MYO9B: variants seen among roughly 807,000 people sequenced by gnomAD.
MYO9B encodes unconventional myosin-IXb.
In MYO9B, 71 loss-of-function variants were observed where a neutral mutation model predicts 229.5. The observed-to-expected ratio is 0.31, with a 90% confidence interval of 0.26 to 0.38. The LOEUF (loss-of-function observed/expected upper bound fraction) is 0.38, where lower values mean the gene tolerates loss of function less well. Ranked by LOEUF, MYO9B falls within the 10% of genes least tolerant of loss-of-function variation. The probability of loss-of-function intolerance (pLI) is 1.00; values close to 1 mark genes in which losing one functional copy is unlikely to be tolerated. For missense variants in MYO9B, 2,255 were observed against 2,920.5 expected (o/e 0.77, Z 5.25); for synonymous variants, 1,185 against 1,235.8 (o/e 0.96, Z 0.86).
chr19:17,123,550 C>T (rs893374052), intron 2 of MYO9B, among the ~76,000 whole-genome samples: 1 of 152,006 alleles, frequency 6.6e-6, no homozygotes, highest in Non-Finnish European at 1.5e-5. Flanking sequence ...AGGCGATTCT[C>T]CTGCCTCAAC....
chr19:17,175,322 T>C (rs927275396), intron 13 of MYO9B, among the ~76,000 whole-genome samples: 1 of 148,234 alleles, frequency 6.7e-6, no homozygotes, highest in Non-Finnish European at 1.5e-5. Flanking sequence ...CAGAGACTCA[T>C]GCCTATAATC....
rs938728402 is a variant in MYO9B at position 17,150,566 on chromosome 19, G to C, written c.936-2078G>C. Among the ~76,000 whole-genome samples the C allele has an allele frequency of 2.0e-4, 28 of 143,146 alleles. 1 individual carries two copies. Among genetic ancestry groups the C allele is most frequent in the African/African-American group, 4.1e-4 (17 of 41,194 alleles). 93.9% of individuals were successfully genotyped at this position (143,146 alleles called of 152,430 possible). A position where few individuals can be genotyped will look rare whatever the true frequency, so the allele number is the denominator to read the frequency against. ...AGATGAGGGTGATCTGGAGGCCCCA[G>C]TGAGCTCACATGTCTGGTGATGGCG... On this transcript the variant is annotated intron_variant, in intron 3 of 39. Coordinates refer to ENST00000682292, the MANE Select transcript of MYO9B (RefSeq NM_004145.4).
intron 1 of MYO9B, among the ~76,000 whole-genome samples, chr19:17,087,277 A>G (rs757582024): frequency 5.9e-5 from 9 of 152,016 alleles, no homozygotes; most frequent in East Asian, 5.8e-4. Context: ...GAAAGAACAC[A>G]TACCTGGGAA....
chr19:17,090,118 C>CTTTTTTTTTTTTT lies in MYO9B; in HGVS notation c.-58-11511_-58-11499dup, dbSNP rs59440394. ...TATAGCATGAATCGGTGCTTCCTTCCTTTTTTTTTTTTTTTTTTTTTTTTT... is the reference window on the plus strand; with the variant it reads ...TATAGCATGAATCGGTGCTTCCTTCCTTTTTTTTTTTTTTTTTTTTTTTTTTTTTTTTTTTTTT... On this transcript the variant is annotated intron_variant, in intron 1 of 39. Transcript: ENST00000682292. Among the ~76,000 whole-genome samples, 21 of 49,236 alleles carry CTTTTTTTTTTTTT rather than the reference C, an allele frequency of 4.3e-4. 6 individuals are homozygous for CTTTTTTTTTTTTT. Among genetic ancestry groups the CTTTTTTTTTTTTT allele is most frequent in the Non-Finnish European group, 6.3e-4 (17 of 26,926 alleles). 32.3% of individuals were successfully genotyped at this position (49,236 alleles called of 152,430 possible). A position where few individuals can be genotyped will look rare whatever the true frequency, so the allele number is the denominator to read the frequency against.
chr19:17,168,740 G>A (rs1027076928), intron 11 of MYO9B, among the ~76,000 whole-genome samples: 5 of 151,948 alleles, frequency 3.3e-5, no homozygotes, highest in Non-Finnish European at 7.4e-5. Flanking sequence ...GAGGCTGCAG[G>A]GAGCTGTGAT....
Position 17,195,675 on chromosome 19 carries a change from A to G in MYO9B, c.4046+202A>G, listed in dbSNP as rs1359028857. Among the ~76,000 whole-genome samples the G allele has an allele frequency of 6.6e-6, 1 of 152,100 alleles. No individual in the cohort carries two copies. Among genetic ancestry groups the G allele is most frequent in the Admixed American group, 6.5e-5 (1 of 15,270 alleles). On this transcript the variant is annotated intron_variant, in intron 22 of 39. Coordinates refer to ENST00000682292, the MANE Select transcript of MYO9B (RefSeq NM_004145.4). The surrounding 1 kb of genome is among the most constrained non-coding windows in gnomAD (Gnocchi z 4.5). ...AGCCAGGGCCCAGGCTGGGACCTGG[A>G]GCCTTGAGGGGTCCCCAGAAGGAGC...
chr19:17,175,653 T>C lies in MYO9B; in HGVS notation c.2141-10T>C. 1.3e-6 allele frequency: 2 copies of C among 1,563,784 alleles called. No individual in the cohort carries two copies. Among genetic ancestry groups the C allele is most frequent in the Non-Finnish European group, 1.7e-6 (2 of 1,155,380 alleles). ...CATCCCCACCACCATCCACTCTGTG[T>C]CTCCGGCAGGTATGAGCAGCCCTGG... is the stretch of plus-strand genomic sequence containing the variant. On this transcript the variant is annotated splice_polypyrimidine_tract_variant and intron_variant, in intron 13 of 39. Coordinates refer to ENST00000682292, the MANE Select transcript of MYO9B (RefSeq NM_004145.4).
intron 2 of MYO9B, among the ~76,000 whole-genome samples, chr19:17,135,923 GACCAGGCTTTAC>G (rs1285388690): frequency 6.6e-6 from 1 of 152,084 alleles, no homozygotes; most frequent in African/African-American, 2.4e-5. Context: ...CTCTGCCACA[GACCAGGCTTTAC>G]ACCAAGGTAC....
chr19:17,088,244 G>T (rs938225098), intron 1 of MYO9B, among the ~76,000 whole-genome samples: 1 of 152,136 alleles, frequency 6.6e-6, no homozygotes. Flanking sequence ...TTCACGTGCC[G>T]CCTTCTCTCT....
At chr19:17,110,352 T>C (rs556242945) in intron 2 of MYO9B, among the ~76,000 whole-genome samples, 2 of 152,288 alleles carry the variant, frequency 1.3e-5, no homozygotes, top group East Asian at 3.9e-4. Flanking sequence ...CTCCCCATCT[T>C]CCACATGGCC....
At chr19:17,112,732 G>A (rs114608614) in intron 2 of MYO9B, among the ~76,000 whole-genome samples, 2 of 152,216 alleles carry the variant, frequency 1.3e-5, no homozygotes, top group Non-Finnish European at 2.9e-5. Flanking sequence ...AAAGAATCCC[G>A]CAGCCCCAGG....
At chr19:17,100,545 C>G (rs574484878) in intron 1 of MYO9B, among the ~76,000 whole-genome samples, 1 of 152,294 alleles carries the variant, frequency 6.6e-6, no homozygotes, top group South Asian at 2.1e-4. Flanking sequence ...TGGTGTGCTT[C>G]TGGTGTCACT....
intron 14 of MYO9B, among the ~76,000 whole-genome samples, chr19:17,180,309 A>ATCGAATAAAG (rs2072842893): frequency 6.7e-6 from 1 of 150,262 alleles, no homozygotes; most frequent in African/African-American, 2.5e-5. Context: ...AATGAAAAGG[A>ATCGAATAAAG]TCGAATAAAG....
At position 17,101,752 on chromosome 19, in the gene MYO9B, G is replaced by A. The variant is rs371755526; in HGVS notation, c.35G>A (p.Arg12Gln). Residue 12 changes from arginine to glutamine, a missense_variant, in exon 2 of 40, where the codon CGG (arginine) becomes CAG (glutamine). Arg to Gln is a conservative substitution (Grantham distance 43). Around this residue, in one of 7 missense-constraint regions of MYO9B, gnomAD observed 386 missense variants for 515.2 expected, o/e 0.75. Coordinates refer to ENST00000682292, the MANE Select transcript of MYO9B (RefSeq NM_004145.4). The surrounding 1 kb of genome is among the most constrained non-coding windows in gnomAD (Gnocchi z 4.7). ...SVKEAGSSGR[R>Q]EQAAYHLHIY... ...AAAGAGGCAGGCAGCTCGGGCCGCCGGGAGCAGGCGGCCTACCACCTGCAC... is the reference window on the plus strand; with the variant it reads ...AAAGAGGCAGGCAGCTCGGGCCGCCAGGAGCAGGCGGCCTACCACCTGCAC... 104 of 1,593,322 alleles carry A rather than the reference G, an allele frequency of 6.5e-5. No individual in the cohort carries two copies. The highest frequency in any genetic ancestry group is 1.4e-4 in the East Asian group (6 of 44,186).
At chr19:17,102,637 A>T in intron 2 of MYO9B, 80 bp downstream of exon 2, 8 of 1,458,166 alleles carry the variant, frequency 5.5e-6, no homozygotes, top group African/African-American at 1.4e-5. Context: ...TCGGTGGCCC[A>T]CATCTATAAT....
chr19:17,094,396 TACTC>T (rs891262128), intron 1 of MYO9B, among the ~76,000 whole-genome samples: 3 of 152,104 alleles, frequency 2.0e-5, no homozygotes, highest in Non-Finnish European at 4.4e-5. Context: ...AGGCTGCACT[TACTC>T]AGTGTGCCAA....
rs868019857 is a variant in MYO9B, at chr19:17,202,283, A to G, written c.4816A>G (p.Asn1606Asp). ...TGAGTTCACCCGTGGCTACACCAAGAACGACTTCGAGCCAGTGAAGGTGGG... is the reference window on the plus strand; with the variant it reads ...TGAGTTCACCCGTGGCTACACCAAGGACGACTTCGAGCCAGTGAAGGTGGG... ...LDEFTRGYTK[N>D]DFEPVKQSKA... The change falls in exon 28 of 40, where the codon AAC (asparagine) becomes GAC (aspartate). Residue 1606 changes from asparagine to aspartate, a missense_variant. By Grantham distance (23) the Asn-to-Asp change is conservative. This residue lies in a region of MYO9B where 416 missense variants were observed against 605.5 expected (regional missense o/e 0.69). Transcript: ENST00000682292. 14 of 1,567,798 alleles carry G rather than the reference A, an allele frequency of 8.9e-6. No individual in the cohort carries two copies. The East Asian group carries it at 2.9e-4, about 32-fold the overall frequency.
chr19:17,184,182 G>T (rs1163300894), intron 16 of MYO9B, among the ~76,000 whole-genome samples: 1 of 152,156 alleles, frequency 6.6e-6, no homozygotes, highest in Non-Finnish European at 1.5e-5. Context: ...GCCTCAGCCT[G>T]GTCCCATGGG....
chr19:17,082,350 G>C (rs995688457), intron 1 of MYO9B, among the ~76,000 whole-genome samples: 8 of 152,184 alleles, frequency 5.3e-5, no homozygotes, highest in African/African-American at 1.9e-4. Context: ...AGCTTCCCCA[G>C]TCAGCCGTGC....
Sources: allele counts gnomAD v4.1 joint callset (sites outside exome capture counted in the v4.1 genomes callset), GRCh38; gene constraint gnomAD v4.1.1; regional missense constraint gnomAD v4.1.1; non-coding constraint Gnocchi (gnomAD v3.1); transcripts MANE v1.5; gene names NCBI Gene and HGNC (gene_info 2026-07-23, HGNC 2026-07-21).